The following GRIN2D variants were observed in gnomAD, a reference collection of about 807,000 sequenced individuals.
GRIN2D encodes glutamate receptor ionotropic, NMDA 2D.
A neutral mutation model predicts 103.2 loss-of-function variants in GRIN2D; 37 were observed. The ratio of observed to expected loss-of-function variants is 0.36; its 90% confidence interval spans 0.28 to 0.47. The LOEUF (loss-of-function observed/expected upper bound fraction) is 0.47. Among genes scored for constraint, GRIN2D ranks in the 20% least tolerant of loss-of-function variants. The pLI is 1.00. For synonymous variants in GRIN2D, 845 were observed against 885.6 expected (o/e 0.95, Z 0.81); for missense variants, 1,557 against 1,910.6 (o/e 0.81, Z 3.45).
At chr19:48,423,340 T>C (rs1031784056) in intron 11 of GRIN2D, among the ~76,000 whole-genome samples, 11 of 152,196 alleles carry the variant, frequency 7.2e-5, no homozygotes, top group African/African-American at 2.2e-4. Flanking sequence ...ATTTTTCTTA[T>C]CCTCTGCTGT....
chr19:48,442,562 A>C lies in GRIN2D; in HGVS notation c.2674-38A>C. 2 of 1,478,840 alleles carry C rather than the reference A, an allele frequency of 1.4e-6. No homozygotes were observed. Among genetic ancestry groups the C allele is most frequent in the Non-Finnish European group, 1.8e-6 (2 of 1,121,006 alleles). The allele number at this position is 1,478,840 out of a possible 1,614,324, so 91.6% of individuals were successfully genotyped here. ...GGGGAGGCGGGCAGGCGTCCTGGGC[A>C]TCTCGCGCTGACCCCCGTCCTGTCC... On this transcript the variant is annotated intron_variant, in intron 13 of 13. Transcript: ENST00000263269. This position sits in a 1 kb window ranked among gnomAD's most constrained non-coding sequence, Gnocchi z 7.2.
chr19:48,430,239 G>T lies in GRIN2D; in HGVS notation c.2252+8294G>T, dbSNP rs564406465. ...TCTTGAGACAGGGTCTCACTATGTT[G>T]CCCAGGCTGGAGTGCAGTGGCGTGA... On this transcript the variant is annotated intron_variant, in intron 11 of 13. Transcript: ENST00000263269. Among the ~76,000 whole-genome samples the T allele has an allele frequency of 2.6e-5, 4 of 151,906 alleles. No individual in the cohort carries two copies. The South Asian group carries it at 8.4e-4, about 32-fold the overall frequency.
At chr19:48,433,405 T>G (rs1168009783) in intron 11 of GRIN2D, among the ~76,000 whole-genome samples, 2 of 151,940 alleles carry the variant, frequency 1.3e-5, no homozygotes, top group Non-Finnish European at 2.9e-5. Flanking sequence ...TAAATAAAAT[T>G]TAAATGCAAA....
Position 48,444,317 on chromosome 19 carries a change from C to T in GRIN2D, c.*380C>T, listed in dbSNP as rs1971355395. 1 of 183,952 alleles carries T rather than the reference C, an allele frequency of 5.4e-6. No individual in the cohort carries two copies. The highest frequency in any genetic ancestry group is 1.1e-5 in the Non-Finnish European group (1 of 88,992). 11.4% of individuals were successfully genotyped at this position (183,952 alleles called of 1,614,324 possible). A position where few individuals can be genotyped will look rare whatever the true frequency, so the allele number is the denominator to read the frequency against. ...GTGCAGCTCCCCGGCCCCAGCCGCGCCTCCGGGGAAGCCCGTTTTTAACCT... is the reference window on the plus strand; with the variant it reads ...GTGCAGCTCCCCGGCCCCAGCCGCGTCTCCGGGGAAGCCCGTTTTTAACCT... On this transcript the variant is annotated 3_prime_UTR_variant, in exon 14 of 14. Transcript: ENST00000263269. This position sits in a 1 kb window ranked among gnomAD's most constrained non-coding sequence, Gnocchi z 5.5.
At position 48,421,678 on chromosome 19, in the gene GRIN2D, C is replaced by G; in HGVS notation, c.2092-107C>G. On this transcript the variant is annotated intron_variant, in intron 10 of 13. Coordinates refer to ENST00000263269, the MANE Select transcript of GRIN2D (RefSeq NM_000836.4). This position sits in a 1 kb window ranked among gnomAD's most constrained non-coding sequence, Gnocchi z 4.8. ...CGAGTGTTGAGAAATATTGAACACTCCTGGGACTGGGGTGTCTGCCAGATA... is the reference window on the plus strand; with the variant it reads ...CGAGTGTTGAGAAATATTGAACACTGCTGGGACTGGGGTGTCTGCCAGATA... The G allele has an allele frequency of 3.4e-6, 3 of 877,518 alleles. No individual in the cohort carries two copies. In the Admixed American group the frequency reaches 6.4e-5, roughly 19 times the overall value. The allele number at this position is 877,518 out of a possible 1,614,324, so 54.4% of individuals were successfully genotyped here. A position where few individuals can be genotyped will look rare whatever the true frequency, so the allele number is the denominator to read the frequency against.
At chr19:48,435,798 C>T (rs1454390825) in intron 11 of GRIN2D, among the ~76,000 whole-genome samples, 1 of 152,158 alleles carries the variant, frequency 6.6e-6, no homozygotes. Context: ...CTGTTCTAGA[C>T]CCTGTGGATA....
intron 11 of GRIN2D, among the ~76,000 whole-genome samples, chr19:48,428,615 G>A (rs781683967): frequency 3.3e-5 from 5 of 151,694 alleles, no homozygotes; most frequent in Non-Finnish European, 7.4e-5. Flanking sequence ...CGCCTGCCAC[G>A]GCCTCCCAAA....
chr19:48,432,686 T>C (rs1174990220), intron 11 of GRIN2D, among the ~76,000 whole-genome samples: 2 of 151,750 alleles, frequency 1.3e-5, no homozygotes, highest in African/African-American at 4.8e-5. Context: ...CTTGAACTCC[T>C]AGGATCAAGC....
chr19:48,428,535 G>C (rs900030766), intron 11 of GRIN2D, among the ~76,000 whole-genome samples: 2 of 151,814 alleles, frequency 1.3e-5, no homozygotes, highest in African/African-American at 4.8e-5. Flanking sequence ...GCTAATTTTT[G>C]TATTTTTAGT....
intron 8 of GRIN2D, among the ~76,000 whole-genome samples, chr19:48,418,165 T>G (rs1008889401): frequency 1.3e-5 from 2 of 151,384 alleles, no homozygotes; most frequent in Non-Finnish European, 2.9e-5. Context: ...TACTGAGTAG[T>G]TGGGACTACA....
chr19:48,416,708 A>G (rs1375973014), intron 8 of GRIN2D, among the ~76,000 whole-genome samples: 1 of 150,620 alleles, frequency 6.6e-6, no homozygotes, highest in Non-Finnish European at 1.5e-5. Flanking sequence ...CTTGTGAAGG[A>G]GGCAGAAGAT....
chr19:48,441,669 G>C, intron 11 of GRIN2D, 100 bp from the exon 12 acceptor site: 1 of 909,520 alleles, frequency 1.1e-6, no homozygotes, highest in South Asian at 1.7e-5. Flanking sequence ...GGCCAGTTAG[G>C]ATTTGGAGCA....
At position 48,443,173 on chromosome 19, in the gene GRIN2D, G is replaced by A; in HGVS notation, c.3247G>A (p.Gly1083Arg). Reference sequence around the variant, plus strand: ...AGGCGCGGGCGGCGCGGGGGGCACGGGGGGCGCAGGCGGAGGAGCCCCGGC... The same window carrying A: ...AGGCGCGGGCGGCGCGGGGGGCACGAGGGGCGCAGGCGGAGGAGCCCCGGC... ...GPGAGGAGGT[G>R]GAGGGAPAAP... The change falls in exon 14 of 14, where the codon GGG becomes AGG. Residue 1083 changes from glycine (G) to arginine (R), a missense_variant. Around this residue, in one of 7 missense-constraint regions of GRIN2D, gnomAD observed 632 missense variants for 572.8 expected, o/e 1.10. Coordinates refer to ENST00000263269, the MANE Select transcript of GRIN2D (RefSeq NM_000836.4). The surrounding 1 kb of genome is among the most constrained non-coding windows in gnomAD (Gnocchi z 8.9). 8.5e-6 allele frequency: 9 copies of A among 1,055,228 alleles called. No homozygotes were observed. The highest frequency in any genetic ancestry group is 9.2e-6 in the Non-Finnish European group (8 of 872,136). The allele number at this position is 1,055,228 out of a possible 1,614,324, so 65.4% of individuals were successfully genotyped here. A position where few individuals can be genotyped will look rare whatever the true frequency, so the allele number is the denominator to read the frequency against.
At chr19:48,438,481 G>A (rs1971257544) in intron 11 of GRIN2D, among the ~76,000 whole-genome samples, 1 of 151,586 alleles carries the variant, frequency 6.6e-6, no homozygotes, top group African/African-American at 2.4e-5. Flanking sequence ...TGTATTTTTA[G>A]TAGAGACAGG....
Position 48,419,640 on chromosome 19 carries a change from G to A in GRIN2D, c.1917G>A (p.Leu639=), listed in dbSNP as rs767517123. The A allele has an allele frequency of 2.5e-6, 4 of 1,613,680 alleles. No homozygotes were observed. Among genetic ancestry groups the A allele is most frequent in the Non-Finnish European group, 3.4e-6 (4 of 1,179,932 alleles). ...IGKSIWLLWA[L]VFNNSVPVEN... ...AATCCATCTGGCTGCTCTGGGCCCT[G>A]GTGTTCAATAATTCGGTGCCCGTGG... The change falls in exon 10 of 14, where the codon CTG becomes CTA. Residue 639 remains leucine (L), a synonymous_variant. Transcript: ENST00000263269.
chr19:48,428,862 T>C (rs1464746505), intron 11 of GRIN2D, among the ~76,000 whole-genome samples: 3 of 151,990 alleles, frequency 2.0e-5, no homozygotes, highest in Admixed American at 6.6e-5. Flanking sequence ...AAATCTTAGG[T>C]GGGTATGATT....
chr19:48,428,359 G>T, intron 11 of GRIN2D, among the ~76,000 whole-genome samples: 1 of 112,516 alleles, frequency 8.9e-6, no homozygotes, highest in African/African-American at 3.5e-5. Context: ...CCCCCTCCCC[G>T]CTTTTTTTTT....
intron 3 of GRIN2D, among the ~76,000 whole-genome samples, chr19:48,399,207 T>A (rs1970680874): frequency 6.6e-6 from 1 of 152,078 alleles, no homozygotes. Context: ...GAAAAGGGAC[T>A]AGCCCCAAAT....
chr19:48,428,413 T>C (rs1971115574), intron 11 of GRIN2D, among the ~76,000 whole-genome samples: 1 of 143,754 alleles, frequency 7.0e-6, no homozygotes, highest in South Asian at 2.3e-4. Context: ...CCGGCTGGAG[T>C]GCAGTGGCAC....
Sources: allele counts gnomAD v4.1 joint callset (sites outside exome capture counted in the v4.1 genomes callset), GRCh38; gene constraint gnomAD v4.1.1; regional missense constraint gnomAD v4.1.1; non-coding constraint Gnocchi (gnomAD v3.1); transcripts MANE v1.5; gene names NCBI Gene and HGNC (gene_info 2026-07-23, HGNC 2026-07-21).